The following TULP3 variants were observed in gnomAD, a reference collection of about 807,000 sequenced individuals.
TULP3 encodes the protein tubby-related protein 3.
A neutral mutation model predicts 50.7 loss-of-function variants in TULP3; 38 were observed. The observed-to-expected ratio is 0.75, with a 90% CI of 0.58 to 0.98. TULP3 has a LOEUF of 0.98. Among genes scored for constraint, TULP3 ranks in the 50% least tolerant of loss-of-function variants. The pLI is 0.00. For synonymous variants in TULP3, 183 were observed against 196.6 expected (o/e 0.93, Z 0.58); for missense variants, 550 against 568.0 (o/e 0.97, Z 0.32).
rs1048768404 is a variant in TULP3 at position 2,911,601 on chromosome 12, A to G, written c.93+2021A>G. Among the ~76,000 whole-genome samples, 91 of 140,834 alleles carry G rather than the reference A, an allele frequency of 6.5e-4. 1 individual carries two copies. The highest frequency in any genetic ancestry group is 2.2e-3 in the African/African-American group (85 of 38,522). 92.4% of individuals were successfully genotyped at this position (140,834 alleles called of 152,430 possible). On this transcript the variant is annotated intron_variant, in intron 2 of 10. Coordinates refer to ENST00000448120, the MANE Select transcript of TULP3 (RefSeq NM_003324.5). ...AGGATGGTCTCGAACTCCTGACCTC[A>G]TGATCCGCCCGCCTTAGCCTCCCAA... is the stretch of plus-strand genomic sequence containing the variant.
intron 1 of TULP3, among the ~76,000 whole-genome samples, chr12:2,908,059 G>A (rs1039237933): frequency 6.6e-6 from 1 of 152,178 alleles, no homozygotes; most frequent in African/African-American, 2.4e-5. Flanking sequence ...CCCAAGTGAT[G>A]AAGAGGAAGA....
Position 2,940,034 on chromosome 12 carries a change from C to G in TULP3, c.*590C>G. 7.8e-7 allele frequency: 1 copy of G among 1,288,798 alleles called. No individual in the cohort carries two copies. The highest frequency in any genetic ancestry group is 1.0e-6 in the Non-Finnish European group (1 of 988,390). 79.8% of individuals were successfully genotyped at this position (1,288,798 alleles called of 1,614,324 possible). A position where few individuals can be genotyped will look rare whatever the true frequency, so the allele number is the denominator to read the frequency against. ...CATTCCCTCACAGCAGATTGGCCGG[C>G]ACCAATCTTAGTCAAGAGTGGCTGT... On this transcript the variant is annotated 3_prime_UTR_variant, in exon 11 of 11. Coordinates refer to ENST00000448120, the MANE Select transcript of TULP3 (RefSeq NM_003324.5).
chr12:2,915,046 T>C (rs1444605683), intron 2 of TULP3, among the ~76,000 whole-genome samples: 1 of 152,100 alleles, frequency 6.6e-6, no homozygotes, highest in African/African-American at 2.4e-5. Flanking sequence ...TGGAGTGTAG[T>C]GGCATGATCT....
chr12:2,932,877 A>G lies in TULP3; in HGVS notation c.697-541A>G, dbSNP rs565459182. ...GAAGTTGTAACTAATTATATGGAGA[A>G]TCAAGCTAGTGAATTTAGAAAAACT... On this transcript the variant is annotated intron_variant, in intron 6 of 10. Transcript: ENST00000448120. Among the ~76,000 whole-genome samples, 26 of 152,200 alleles carry G rather than the reference A, an allele frequency of 1.7e-4. No homozygotes were observed. In the South Asian group the frequency reaches 5.0e-3, roughly 29 times the overall value.
In TULP3 at chr12:2,939,287, A is replaced by G. The variant is rs2098203284; in HGVS notation, c.1196-24A>G. 1 of 1,610,050 alleles carries G rather than the reference A, an allele frequency of 6.2e-7. No homozygotes were observed. Among genetic ancestry groups the G allele is most frequent in the Non-Finnish European group, 8.5e-7 (1 of 1,177,898 alleles). On this transcript the variant is annotated intron_variant, in intron 10 of 10. Coordinates refer to ENST00000448120, the MANE Select transcript of TULP3 (RefSeq NM_003324.5). This position sits in a 1 kb window ranked among gnomAD's most constrained non-coding sequence, Gnocchi z 4.0. ...GAGTGCAACCACATTATATTCTAAC[A>G]TGTTGATTTCTTTCTGTTTCTAGCT...
intron 2 of TULP3, among the ~76,000 whole-genome samples, chr12:2,910,275 CAAAG>C (rs1232262134): frequency 8.7e-6 from 1 of 115,240 alleles, no homozygotes; most frequent in African/African-American, 3.8e-5. Flanking sequence ...GACTCCGTCT[CAAAG>C]AAAAAAAAAA....
intron 8 of TULP3, among the ~76,000 whole-genome samples, chr12:2,935,492 T>C (rs1307009163): frequency 1.3e-5 from 2 of 152,220 alleles, no homozygotes; most frequent in Non-Finnish European, 2.9e-5. Context: ...ACACAGTAGA[T>C]ATTCAAAGAG....
intron 4 of TULP3, 56 bp from the exon 5 acceptor site, chr12:2,930,192 C>A: frequency 8.2e-7 from 1 of 1,213,234 alleles, no homozygotes; most frequent in South Asian, 1.4e-5. Context: ...ATCTTTGTTT[C>A]AAAGACCTTT....
chr12:2,896,201 A>C (rs914685337), intron 1 of TULP3, among the ~76,000 whole-genome samples: 2 of 152,100 alleles, frequency 1.3e-5, no homozygotes, highest in Non-Finnish European at 2.9e-5. Context: ...CTGCCTCCCA[A>C]AGTGCTGGGA....
Position 2,931,032 on chromosome 12 carries a change from T to C in TULP3, c.493-5T>C, listed in dbSNP as rs2098197695. 6.2e-7 allele frequency: 1 copy of C among 1,614,094 alleles called. No homozygotes were observed. The highest frequency in any genetic ancestry group is 8.5e-7 in the Non-Finnish European group (1 of 1,179,998). On this transcript the variant is annotated splice_polypyrimidine_tract_variant and splice_region_variant and intron_variant, in intron 5 of 10. Transcript: ENST00000448120. ...GTTGTTGCTCATGTATGGCTGTCCT[T>C]TCAGGATACAGGCACTTCCGGTTCT...
chr12:2,899,621 T>A (rs185049114), intron 1 of TULP3, among the ~76,000 whole-genome samples: 2 of 151,758 alleles, frequency 1.3e-5, no homozygotes, highest in African/African-American at 4.8e-5. Context: ...GGGCCGGGCG[T>A]GGTGGCTCAC....
chr12:2,922,342 G>A lies in TULP3; in HGVS notation c.334G>A (p.Ala112Thr), dbSNP rs1375047324. Reference protein sequence around the residue: ...SVSSSVVEEDAENTVDTASKP... With the variant: ...SVSSSVVEEDTENTVDTASKP... The stretch of plus-strand genomic sequence containing the variant: ...AAGCTCCTCTGTTGTGGAAGAAGAT[G>A]CTGAAAACACCGTGGATACTGCTTC... The change falls in exon 4 of 11, where the codon GCT (alanine) becomes ACT (threonine). Residue 112 changes from alanine to threonine, a missense_variant. Ala to Thr is a moderately conservative substitution (Grantham distance 58). Coordinates refer to ENST00000448120, the MANE Select transcript of TULP3 (RefSeq NM_003324.5). The A allele has an allele frequency of 1.2e-6, 2 of 1,614,172 alleles. No individual in the cohort carries two copies. The highest frequency in any genetic ancestry group is 8.5e-7 in the Non-Finnish European group (1 of 1,180,036).
intron 1 of TULP3, 93 bp downstream of exon 1, chr12:2,891,081 G>A: frequency 7.3e-7 from 1 of 1,379,140 alleles, no homozygotes; most frequent in Non-Finnish European, 9.5e-7. Context: ...GCGGGGAGAG[G>A]GCGGGACTCG....
At chr12:2,929,242 G>A (rs1176742873) in intron 4 of TULP3, among the ~76,000 whole-genome samples, 2 of 151,254 alleles carry the variant, frequency 1.3e-5, no homozygotes, top group East Asian at 2.0e-4. Flanking sequence ...GCGTGAACCC[G>A]GGAGGCGGAG....
chr12:2,897,021 A>G (rs2098175915), intron 1 of TULP3, among the ~76,000 whole-genome samples: 1 of 150,962 alleles, frequency 6.6e-6, no homozygotes, highest in African/African-American at 2.4e-5. Context: ...GGACTTTTAA[A>G]TTTTTTTTTT....
intron 1 of TULP3, among the ~76,000 whole-genome samples, chr12:2,894,035 A>G (rs1256552301): frequency 2.0e-5 from 3 of 152,028 alleles, no homozygotes; most frequent in African/African-American, 7.2e-5. Context: ...ATTTTATAAT[A>G]TAGATTCCCT....
intron 10 of TULP3, among the ~76,000 whole-genome samples, 197 bp downstream of exon 10, chr12:2,938,482 TGA>T (rs1006659685): frequency 1.1e-4 from 17 of 151,978 alleles, no homozygotes; most frequent in Non-Finnish European, 2.2e-4. Context: ...GAGAGGAGTG[TGA>T]GAGAGATGCT....
chr12:2,895,957 T>TTTTTA (rs2098175345), intron 1 of TULP3, among the ~76,000 whole-genome samples: 1 of 151,792 alleles, frequency 6.6e-6, no homozygotes, highest in Non-Finnish European at 1.5e-5. Context: ...TTTTTTTTTT[T>TTTTTA]GAGACGGAGT....
chr12:2,918,373 A>G (rs1462183807), intron 2 of TULP3, among the ~76,000 whole-genome samples: 3 of 151,702 alleles, frequency 2.0e-5, no homozygotes, highest in African/African-American at 7.3e-5. Flanking sequence ...CGACCTCCCA[A>G]ACTGCTGGGA....
Sources: gnomAD v4.1 joint callset for allele counts (sites outside exome capture counted in the v4.1 genomes callset) on GRCh38, gnomAD v4.1.1 for gene constraint, Gnocchi (gnomAD v3.1) non-coding constraint, MANE v1.5 for transcripts, NCBI Gene and HGNC (gene_info 2026-07-23, HGNC 2026-07-21) for gene names.